NDRG2: variants seen among roughly 807,000 people sequenced by gnomAD.
NDRG2 encodes NDRG family member 2, also known as protein NDRG2.
In NDRG2, 34 loss-of-function variants were observed where a neutral mutation model predicts 58.2. That is an observed-to-expected ratio of 0.58 (90% confidence interval 0.44 to 0.78). The LOEUF is 0.78. Ranked by LOEUF, NDRG2 falls within the 30% of genes least tolerant of loss-of-function variation. The pLI is 0.00. For missense variants in NDRG2, 434 were observed against 471.2 expected, an observed-to-expected ratio of 0.92 and a Z score of 0.73; for synonymous variants, 187 against 175.9, an observed-to-expected ratio of 1.06 and a Z score of -0.50.
intron 1 of NDRG2, among the ~76,000 whole-genome samples, chr14:21,034,964 C>G (rs1425479152): frequency 6.6e-6 from 1 of 152,228 alleles, no homozygotes; most frequent in Non-Finnish European, 1.5e-5. Flanking sequence ...GATGTTTTCT[C>G]TGTTCCATAG....
At chr14:21,033,553 T>C (rs1884393065) in intron 1 of NDRG2, 2 of 508,460 alleles carry the variant, frequency 3.9e-6, no homozygotes, top group Non-Finnish European at 7.1e-6. Context: ...AGTCAACTTC[T>C]TGGGTGGGTT....
upstream of NDRG2, among the ~76,000 whole-genome samples, chr14:21,026,186 C>T (rs1883597820): frequency 1.3e-5 from 2 of 152,154 alleles, no homozygotes; most frequent in Admixed American, 6.5e-5. Flanking sequence ...ATGAGCTCTC[C>T]TTGTGCCCCT....
chr14:21,030,776 G>A (rs750560095), upstream of NDRG2: 1 of 1,611,042 alleles, frequency 6.2e-7, no homozygotes, highest in Non-Finnish European at 8.5e-7. Context: ...AAAATATGGA[G>A]GTGGGGGTGA....
At chr14:21,049,691 C>T (rs1885378130) in intron 1 of NDRG2, among the ~76,000 whole-genome samples, 1 of 151,738 alleles carries the variant, frequency 6.6e-6, no homozygotes. Flanking sequence ...GGCAAGAACT[C>T]GGGCTTTTTT....
In NDRG2 at chr14:21,018,827, T is replaced by C; in HGVS notation, c.762-13A>G. 6.2e-7 allele frequency: 1 copy of C among 1,613,992 alleles called. No homozygotes were observed. The highest frequency in any genetic ancestry group is 8.5e-7 in the Non-Finnish European group (1 of 1,179,994). ...CATCACAGGACACCTAAAGACACAGTGTTGGGGAGAAGGCAGTGAGCCCCT... is the reference window on the plus strand; with the variant it reads ...CATCACAGGACACCTAAAGACACAGCGTTGGGGAGAAGGCAGTGAGCCCCT... On this transcript the variant is annotated splice_polypyrimidine_tract_variant and intron_variant, in intron 11 of 15. Transcript: ENST00000556147.
Position 21,019,976 on chromosome 14 carries a change from G to A in NDRG2, c.556C>T (p.Leu186=), listed in dbSNP as rs368521230. The change falls in exon 9 of 16, where the codon CTA becomes TTA. Residue 186 remains leucine (L), a splice_region_variant and synonymous_variant. Coordinates refer to ENST00000556147, the MANE Select transcript of NDRG2 (RefSeq NM_001320329.2). ...KGWMDWAAHK[L]TGLTSSIPEM... ...GGAATGGAAGAGGTGAGGCCTGTTA[G>A]CTATGAGGAGAAGGCAGGTGAGAAA... is the stretch of plus-strand genomic sequence containing the variant. 14 of 1,613,462 alleles carry A rather than the reference G, an allele frequency of 8.7e-6. No individual in the cohort carries two copies. Among genetic ancestry groups the A allele is most frequent in the African/African-American group, 2.7e-5 (2 of 74,890 alleles).
At chr14:21,033,657 A>G (rs993087783) in intron 1 of NDRG2, 2 of 634,798 alleles carry the variant, frequency 3.2e-6, no homozygotes, top group African/African-American at 3.6e-5. Flanking sequence ...ACCACTTTGC[A>G]TGGTGATCAA....
rs1455066473 is a variant in NDRG2, at chr14:21,022,444, G to A, written c.171C>T (p.Thr57=). 2.5e-6 allele frequency: 4 copies of A among 1,614,106 alleles called. No individual in the cohort carries two copies. The highest frequency in any genetic ancestry group is 3.4e-6 in the Non-Finnish European group (4 of 1,180,024). ...GGATCGCTGGGCGTTTGGGTTTGGG[G>A]GTGCCATAGACAGTGAAAGTGACAG... The part of the protein sequence containing the change: ...YGSVTFTVYG[T]PKPKRPAILT... The change falls in exon 4 of 16, where the codon ACC becomes ACT. Residue 57 remains threonine (T), a synonymous_variant. Transcript: ENST00000556147.
intron 1 of NDRG2, among the ~76,000 whole-genome samples, chr14:21,038,158 G>A (rs1019302406): frequency 1.3e-5 from 2 of 152,146 alleles, no homozygotes; most frequent in East Asian, 1.9e-4. Flanking sequence ...TCTAGAAGCC[G>A]CATTGTCACT....
At chr14:21,043,560 C>G in intron 1 of NDRG2, 4 of 845,644 alleles carry the variant, frequency 4.7e-6, no homozygotes, top group Non-Finnish European at 5.6e-6. Context: ...CCCCTCATCT[C>G]TTGGGGCTGT....
chr14:21,044,596 A>T (rs1384629632), intron 1 of NDRG2, among the ~76,000 whole-genome samples: 1 of 152,082 alleles, frequency 6.6e-6, no homozygotes, highest in Non-Finnish European at 1.5e-5. Context: ...CGAAAATGCC[A>T]TTTCCCTGTC....
At chr14:21,044,286 T>C (rs953945026) in intron 1 of NDRG2, 1 of 155,792 alleles carries the variant, frequency 6.4e-6, no homozygotes, top group African/African-American at 2.4e-5. Flanking sequence ...TCTTCCTCTC[T>C]AACTGCCCCT....
chr14:21,034,620 T>TA (rs754546306), intron 1 of NDRG2: 22 of 268,404 alleles, frequency 8.2e-5, no homozygotes, highest in Admixed American at 4.8e-4. Context: ...CTCCTGCTAG[T>TA]AAAAAATGCA....
At chr14:21,038,392 A>C (rs1294253538) in intron 1 of NDRG2, among the ~76,000 whole-genome samples, 1 of 152,258 alleles carries the variant, frequency 6.6e-6, no homozygotes, top group Non-Finnish European at 1.5e-5. Flanking sequence ...ACATGAAGAA[A>C]TAACCAGTGA....
At chr14:21,027,585 A>G (rs1883779178), upstream of NDRG2, among the ~76,000 whole-genome samples, 1 of 152,222 alleles carries the variant, frequency 6.6e-6, no homozygotes, top group Non-Finnish European at 1.5e-5. Flanking sequence ...CCCCTGATGG[A>G]GAAAATGCAA....
chr14:21,031,356 C>T (rs1286602789), intron 1 of NDRG2: 1 of 624,602 alleles, frequency 1.6e-6, no homozygotes, highest in Non-Finnish European at 2.6e-6. Flanking sequence ...AGGTCCATGG[C>T]TATTTTAATA....
intron 1 of NDRG2, among the ~76,000 whole-genome samples, chr14:21,044,447 G>A (rs905002082): frequency 2.6e-5 from 4 of 152,162 alleles, no homozygotes; most frequent in African/African-American, 9.7e-5. Context: ...AGGGACTTCC[G>A]TGGCCCTGAG....
At chr14:21,059,808 A>T (rs763438396) in intron 1 of NDRG2, among the ~76,000 whole-genome samples, 1 of 152,238 alleles carries the variant, frequency 6.6e-6, no homozygotes, top group South Asian at 2.1e-4. Flanking sequence ...TATAGGCGTC[A>T]GCCATGGCGC....
chr14:21,035,207 C>A (rs2139095530), intron 1 of NDRG2, among the ~76,000 whole-genome samples: 1 of 152,370 alleles, frequency 6.6e-6, no homozygotes, highest in East Asian at 1.9e-4. Flanking sequence ...GTCACACCCA[C>A]AGCCTTCACC....
Sources: allele counts gnomAD v4.1 joint callset (sites outside exome capture counted in the v4.1 genomes callset), GRCh38; gene constraint gnomAD v4.1.1; transcripts MANE v1.5; gene names NCBI Gene and HGNC (gene_info 2026-07-23, HGNC 2026-07-21).